CCNJL: variants seen among roughly 807,000 people sequenced by gnomAD.
CCNJL encodes cyclin-J-like protein.
CCNJL carries 33 observed loss-of-function variants against 33.4 expected under a neutral mutation model. The observed-to-expected ratio is 0.99, with a 90% CI of 0.75 to 1.32. The LOEUF (loss-of-function observed/expected upper bound fraction) is 1.32. Among genes scored for constraint, CCNJL ranks in the 40% most tolerant of loss-of-function variants. The pLI, the probability that CCNJL is intolerant of heterozygous loss-of-function variation, is 0.00. For missense variants in CCNJL, 512 were observed against 499.7 expected, an observed-to-expected ratio of 1.02 and a Z score of -0.23; for synonymous variants, 227 against 220.9, an observed-to-expected ratio of 1.03 and a Z score of -0.24.
chr5:160,320,850 C>CTTCT (rs1189140816), intron 1 of CCNJL, among the ~76,000 whole-genome samples: 2,091 of 55,338 alleles, frequency 0.038, 84 homozygotes, highest in South Asian at 0.065. Context: ...TCTTTCTTTC[C>CTTCT]TTCTTTCTTT....
intron 3 of CCNJL, among the ~76,000 whole-genome samples, chr5:160,263,970 G>C (rs1335919329): frequency 6.7e-6 from 1 of 148,370 alleles, no homozygotes; most frequent in Non-Finnish European, 1.5e-5. Flanking sequence ...TTGAGATAGG[G>C]TCTCACTCCT....
Position 160,330,107 on chromosome 5 carries a change from G to A in CCNJL, n.206+9338C>T, listed in dbSNP as rs555279499. Among the ~76,000 whole-genome samples, 16 of 152,080 alleles carry A rather than the reference G, an allele frequency of 1.1e-4. No individual in the cohort carries two copies. The South Asian group carries it at 1.2e-3, about 12-fold the overall frequency. On this transcript the variant is annotated intron_variant and non_coding_transcript_variant, in intron 1 of 7. Coordinates refer to the CCNJL transcript ENST00000377503. ...CTTCAGATTTGAATCCTCATGTCCCGCCTTGCCATTGTCCCCAATTCTGAC... is the reference window on the plus strand; with the variant it reads ...CTTCAGATTTGAATCCTCATGTCCCACCTTGCCATTGTCCCCAATTCTGAC...
intron 1 of CCNJL, 30 bp downstream of exon 1, chr5:160,312,334 A>C: frequency 2.4e-5 from 5 of 206,884 alleles, no homozygotes; most frequent in East Asian, 1.4e-4. Flanking sequence ...CTGCTCCCAC[A>C]TCCTGCCCTC....
chr5:160,302,206 G>A (rs1420340355), intron 2 of CCNJL, among the ~76,000 whole-genome samples: 1 of 152,166 alleles, frequency 6.6e-6, no homozygotes, highest in African/African-American at 2.4e-5. Context: ...ATGAGTTAGT[G>A]AAATCATGAT....
rs1428800825 is a variant in CCNJL, at chr5:160,252,315, G to A, written c.*1063C>T. On this transcript the variant is annotated 3_prime_UTR_variant, in exon 6 of 6. Transcript: ENST00000257536. ...TGTACATCCCACTCCCCAAATACAG[G>A]TGGGACTAAGCAAATTTTCCACATT... 6.6e-6 allele frequency: 1 copy of A among 152,572 alleles called. No individual in the cohort carries two copies. The highest frequency in any genetic ancestry group is 1.5e-5 in the Non-Finnish European group (1 of 68,060). The allele number at this position is 152,572 out of a possible 1,614,324, so 9.5% of individuals were successfully genotyped here. A position where few individuals can be genotyped will look rare whatever the true frequency, so the allele number is the denominator to read the frequency against.
intron 3 of CCNJL, chr5:160,269,424 C>T (rs868543497): frequency 8.8e-5 from 40 of 456,396 alleles, no homozygotes; most frequent in African/African-American, 4.8e-4. Flanking sequence ...AAGAAGGTTT[C>T]GGTGTCACTG....
intron 4 of CCNJL, chr5:160,258,735 T>C: frequency 1.5e-6 from 1 of 671,646 alleles, no homozygotes; most frequent in Non-Finnish European, 2.7e-6. Flanking sequence ...TCTCGCTCTG[T>C]TGCCAGGCTG....
At chr5:160,269,529 G>A (rs759665696) in intron 3 of CCNJL, 19 of 456,436 alleles carry the variant, frequency 4.2e-5, no homozygotes, top group South Asian at 2.9e-4. Context: ...TGGGGACCCT[G>A]ATCCTTTGTT....
intron 2 of CCNJL, among the ~76,000 whole-genome samples, chr5:160,299,088 C>T (rs944275243): frequency 5.3e-5 from 8 of 152,144 alleles, no homozygotes; most frequent in African/African-American, 9.7e-5. Flanking sequence ...AAGCAATCCT[C>T]CTACCACAGC....
chr5:160,299,676 G>C (rs938502215), intron 2 of CCNJL, among the ~76,000 whole-genome samples: 1 of 151,744 alleles, frequency 6.6e-6, no homozygotes, highest in South Asian at 2.1e-4. Flanking sequence ...CTGTCTGGGG[G>C]AGCAGATGAA....
At chr5:160,330,664 T>G (rs1581023697) in intron 1 of CCNJL, among the ~76,000 whole-genome samples, 1 of 104,314 alleles carries the variant, frequency 9.6e-6, no homozygotes, top group Non-Finnish European at 2.1e-5. Context: ...TCCTGTCTTT[T>G]CTTTTCTTTT....
In CCNJL at chr5:160,283,482, T is replaced by TA. The variant is rs562038232; in HGVS notation, c.67-2745dup. ...ACTAAACTGCATATTTTAATTTTTTTACTTTTAATTTTGTGGGTACATAGT... is the reference window on the plus strand; with the variant it reads ...ACTAAACTGCATATTTTAATTTTTTTAACTTTTAATTTTGTGGGTACATAGT... On this transcript the variant is annotated intron_variant, in intron 2 of 5. Transcript: ENST00000257536. Among the ~76,000 whole-genome samples, 5 of 152,348 alleles carry TA rather than the reference T, an allele frequency of 3.3e-5. No individual in the cohort carries two copies. In the South Asian group the frequency reaches 1.0e-3, roughly 32 times the overall value.
At chr5:160,327,114 T>C in intron 1 of CCNJL, 1 of 301,500 alleles carries the variant, frequency 3.3e-6, no homozygotes, top group Non-Finnish European at 6.4e-6. Context: ...TGGGATTGTT[T>C]GTATTTAAAA....
Position 160,251,536 on chromosome 5 carries a change from G to T in CCNJL, c.*1842C>A, listed in dbSNP as rs913504882. ...ACTCAGAGGGCAGGACTCAGCTCCC[G>T]AGGTCTTGCTGCTGCCCCCAATATT... On this transcript the variant is annotated 3_prime_UTR_variant, in exon 6 of 6. Coordinates refer to ENST00000257536, the MANE Select transcript of CCNJL (RefSeq NM_001308173.3). 2 of 152,294 alleles carry T rather than the reference G, an allele frequency of 1.3e-5. No individual in the cohort carries two copies. Among genetic ancestry groups the T allele is most frequent in the African/African-American group, 4.8e-5 (2 of 41,450 alleles). The allele number at this position is 152,294 out of a possible 1,614,324, so 9.4% of individuals were successfully genotyped here.
At chr5:160,259,262 A>C (rs1012872402) in intron 4 of CCNJL, among the ~76,000 whole-genome samples, 8 of 152,252 alleles carry the variant, frequency 5.3e-5, no homozygotes, top group African/African-American at 1.9e-4. Context: ...CTGCCTGCAT[A>C]TAAGTTGCTA....
Position 160,337,273 on chromosome 5 carries a change from G to A in CCNJL, n.206+2172C>T, listed in dbSNP as rs187651446. On this transcript the variant is annotated intron_variant and non_coding_transcript_variant, in intron 1 of 7. Coordinates refer to the CCNJL transcript ENST00000377503. ...TGAAAAGATCCTTCTGTCTCGCCTC[G>A]CCTCCCAAAGTGCTGGGATTACAGG... 1.8e-4 allele frequency among the ~76,000 whole-genome samples: 27 copies of A among 151,182 alleles called. No homozygotes were observed. The East Asian group carries it at 4.3e-3, about 24-fold the overall frequency.
chr5:160,304,212 G>T, intron 2 of CCNJL, among the ~76,000 whole-genome samples: 1 of 152,224 alleles, frequency 6.6e-6, no homozygotes, highest in East Asian at 1.9e-4. Flanking sequence ...AGACCTAAAA[G>T]ACTCAAGTGA....
At chr5:160,326,656 A>C (rs892853199) in intron 1 of CCNJL, 1 of 748,426 alleles carries the variant, frequency 1.3e-6, no homozygotes, top group African/African-American at 1.8e-5. Context: ...AAAAGCTTGA[A>C]ATCAGCGGGT....
intron 2 of CCNJL, among the ~76,000 whole-genome samples, chr5:160,285,500 C>T (rs551965370): frequency 6.6e-6 from 1 of 152,292 alleles, no homozygotes; most frequent in South Asian, 2.1e-4. Flanking sequence ...ACAGAAGGTC[C>T]TGGCCAACAG....
Sources: allele counts gnomAD v4.1 joint callset (sites outside exome capture counted in the v4.1 genomes callset), GRCh38; gene constraint gnomAD v4.1.1; transcripts MANE v1.5; gene names NCBI Gene and HGNC (gene_info 2026-07-23, HGNC 2026-07-21).